Variants in ASMTL observed in about 807,000 individuals in gnomAD.
ASMTL encodes probable bifunctional dTTP/UTP pyrophosphatase/methyltransferase protein.
A neutral mutation model predicts 60.3 loss-of-function variants in ASMTL; 57 were observed. The ratio of observed to expected loss-of-function variants is 0.95; its 90% CI spans 0.76 to 1.18. The LOEUF (loss-of-function observed/expected upper bound fraction) is 1.18. Ranked by LOEUF, ASMTL falls within the 50% of genes most tolerant of loss-of-function variation. The probability of loss-of-function intolerance (pLI) is 0.00; values close to 1 mark genes in which losing one functional copy is unlikely to be tolerated. For synonymous variants in ASMTL, 419 were observed against 373.0 expected (o/e 1.12, Z -1.42); for missense variants, 981 against 852.6 (o/e 1.15, Z -1.88).
chrX:1,419,597 C>T (rs1178297214), intron 9 of ASMTL, among the ~76,000 whole-genome samples: 38 of 152,000 alleles, frequency 2.5e-4, no homozygotes, highest in African/African-American at 9.2e-4. Context: ...TCCAAGTCCC[C>T]CCAGTGGCAC....
intron 1 of ASMTL, among the ~76,000 whole-genome samples, chrX:1,442,779 G>C (rs1266080269): frequency 2.6e-5 from 4 of 152,154 alleles, no homozygotes; most frequent in African/African-American, 7.2e-5. Context: ...GACAATGATG[G>C]CTCTACGTCA....
intron 12 of ASMTL, among the ~76,000 whole-genome samples, chrX:1,411,806 CTTTTTTTTTTTTTTT>C (rs756437483): frequency 3.5e-5 from 3 of 86,144 alleles, no homozygotes; most frequent in Non-Finnish European, 6.3e-5. Context: ...TTAGGATTTT[CTTTTTTTTTTTTTTT>C]TTTTTTTTTG....
In ASMTL at chrX:1,435,268, G is replaced by C. The variant is rs1160862082; in HGVS notation, c.339-185C>G. The C allele has an allele frequency of 2.7e-5, 19 of 692,354 alleles. No individual in the cohort carries two copies. In the South Asian group the frequency reaches 2.8e-4, roughly 10 times the overall value. The allele number at this position is 692,354 out of a possible 1,614,324, so 42.9% of individuals were successfully genotyped here. Reference sequence around the variant, plus strand: ...CCTTTACGGAGAGGCCGAGGGAAGGGGTCACAAATCCCACCAGCAGTGGCC... The same window carrying C: ...CCTTTACGGAGAGGCCGAGGGAAGGCGTCACAAATCCCACCAGCAGTGGCC... On this transcript the variant is annotated intron_variant, in intron 4 of 12. Coordinates refer to ENST00000381317, the MANE Select transcript of ASMTL (RefSeq NM_004192.4).
chrX:1,421,572 G>T, intron 9 of ASMTL, 86 bp downstream of exon 9: 1 of 1,431,918 alleles, frequency 7.0e-7, no homozygotes, highest in Non-Finnish European at 9.7e-7. Flanking sequence ...AGACAGACTG[G>T]TCAAGGTGCC....
At chrX:1,415,678 C>T (rs1266705339) in intron 11 of ASMTL, among the ~76,000 whole-genome samples, 3 of 152,060 alleles carry the variant, frequency 2.0e-5, no homozygotes. Flanking sequence ...GTTGGCCAGG[C>T]TGGTCTCGAA....
At chrX:1,422,011 A>G (rs1355228945) in intron 8 of ASMTL, 169 bp from the exon 9 acceptor site, 3 of 181,624 alleles carry the variant, frequency 1.7e-5, no homozygotes, top group Non-Finnish European at 3.2e-5. Context: ...AGATGTTAAA[A>G]TAAACATCAT....
At chrX:1,417,773 TATGC>T (rs2090348830) in intron 11 of ASMTL, among the ~76,000 whole-genome samples, 196 bp downstream of exon 11, 1 of 1,116 alleles carries the variant, frequency 9.0e-4, no homozygotes, top group Non-Finnish European at 4.1e-3. Flanking sequence ...ATGTCACAGG[TATGC>T]TCCAGGGCAT....
chrX:1,442,276 C>T lies in ASMTL; in HGVS notation c.135G>A (p.Lys45=), dbSNP rs765788025. Residue 45 remains lysine (K), a synonymous_variant, in exon 2 of 13, where the codon AAG becomes AAA. Coordinates refer to ENST00000381317, the MANE Select transcript of ASMTL (RefSeq NM_004192.4). ...FEVVPSKFKE[K]LDKASFATPY... ...GAGTAGCGAAGGAGGCTTTGTCCAG[C>T]TTCTCTTTAAACTTGGAGGGGACCA... 6.2e-7 allele frequency: 1 copy of T among 1,613,912 alleles called. No individual in the cohort carries two copies. Among genetic ancestry groups the T allele is most frequent in the African/African-American group, 1.3e-5 (1 of 75,010 alleles).
chrX:1,441,299 C>T (rs1206320431), intron 2 of ASMTL, among the ~76,000 whole-genome samples: 12 of 151,874 alleles, frequency 7.9e-5, no homozygotes, highest in Non-Finnish European at 4.4e-5. Context: ...TTTTTGGAGA[C>T]GAAGTCTTGC....
At chrX:1,419,201 C>A in intron 9 of ASMTL, 87 bp from the exon 10 acceptor site, 1 of 1,509,750 alleles carries the variant, frequency 6.6e-7, no homozygotes, top group Non-Finnish European at 9.0e-7. Flanking sequence ...GGGAGAAGTG[C>A]AGGGCTCCAG....
At chrX:1,445,124 G>C (rs1446925296) in intron 1 of ASMTL, among the ~76,000 whole-genome samples, 2 of 152,070 alleles carry the variant, frequency 1.3e-5, no homozygotes, top group Non-Finnish European at 2.9e-5. Flanking sequence ...TCTGACTTTT[G>C]GTACCCAGGA....
At chrX:1,419,590 A>AGT in intron 9 of ASMTL, among the ~76,000 whole-genome samples, 1 of 151,760 alleles carries the variant, frequency 6.6e-6, no homozygotes, top group African/African-American at 2.4e-5. Context: ...GAGCTTCTCC[A>AGT]AGTCCCCCCA....
chrX:1,438,749 T>C (rs768797871), intron 3 of ASMTL, among the ~76,000 whole-genome samples: 3 of 152,332 alleles, frequency 2.0e-5, no homozygotes, highest in East Asian at 1.9e-4. Flanking sequence ...TGATATCATA[T>C]AGTATCACTT....
intron 8 of ASMTL, among the ~76,000 whole-genome samples, chrX:1,422,421 C>CGG (rs1466456361): frequency 1.3e-5 from 2 of 152,116 alleles, no homozygotes; most frequent in African/African-American, 4.8e-5. Context: ...CCAGCCTACA[C>CGG]AATCACGTAA....
intron 12 of ASMTL, among the ~76,000 whole-genome samples, chrX:1,406,020 G>A (rs1190569293): frequency 1.3e-5 from 2 of 151,354 alleles, no homozygotes; most frequent in African/African-American, 4.9e-5. Context: ...GTGATGGATG[G>A]GTGAATAGAT....
intron 5 of ASMTL, among the ~76,000 whole-genome samples, chrX:1,433,848 G>T: frequency 6.6e-6 from 1 of 152,242 alleles, no homozygotes. Context: ...TTCCTGACCT[G>T]CTCCTTCATA....
At chrX:1,415,775 T>C (rs1473857682) in intron 11 of ASMTL, among the ~76,000 whole-genome samples, 2 of 152,208 alleles carry the variant, frequency 1.3e-5, no homozygotes, top group Non-Finnish European at 2.9e-5. Context: ...CTTGTCCACC[T>C]GTTTGGAGAT....
intron 1 of ASMTL, 121 bp downstream of exon 1, chrX:1,452,627 C>A (rs2091425786): frequency 1.3e-6 from 1 of 771,648 alleles, no homozygotes; most frequent in Non-Finnish European, 2.0e-6. Flanking sequence ...TCCCCTCCCC[C>A]ATCCCTAAGG....
intron 6 of ASMTL, 150 bp downstream of exon 6, chrX:1,432,119 G>C (rs2090807379): frequency 3.1e-6 from 2 of 647,242 alleles, no homozygotes; most frequent in Admixed American, 5.5e-5. Flanking sequence ...TGAAGGGTTT[G>C]TGCTTCTGAG....
Sources: gnomAD v4.1 joint callset for allele counts (sites outside exome capture counted in the v4.1 genomes callset) on GRCh38, gnomAD v4.1.1 for gene constraint, MANE v1.5 for transcripts, NCBI Gene and HGNC (gene_info 2026-07-23, HGNC 2026-07-21) for gene names.